The following GRID2 variants were observed in gnomAD, a reference collection of about 807,000 sequenced individuals.
The protein encoded by GRID2 is glutamate receptor ionotropic, delta-2.
A neutral mutation model predicts 114.8 loss-of-function variants in GRID2; 33 were observed. That is an observed-to-expected ratio of 0.29 (90% CI 0.22 to 0.38). GRID2 has a LOEUF of 0.38. GRID2 is among the 10% of genes least tolerant of loss of function. The probability of loss-of-function intolerance (pLI) is 1.00; values close to 1 mark genes in which losing one functional copy is unlikely to be tolerated. For missense variants in GRID2, 1,184 were observed against 1,257.7 expected (o/e 0.94, Z 0.89); for synonymous variants, 505 against 449.9 (o/e 1.12, Z -1.55).
At chr4:92,741,675 A>G (rs2149332063) in intron 2 of GRID2, among the ~76,000 whole-genome samples, 1 of 152,310 alleles carries the variant, frequency 6.6e-6, no homozygotes, top group Non-Finnish European at 1.5e-5. Context: ...CTCTAGCCTT[A>G]AAAGCACTTC....
At chr4:93,730,526 C>T (rs1420298094) in intron 14 of GRID2, among the ~76,000 whole-genome samples, 2 of 152,196 alleles carry the variant, frequency 1.3e-5, no homozygotes, top group Non-Finnish European at 2.9e-5. Context: ...GTGTAATCAA[C>T]AGGCTGAACT....
At chr4:93,131,550 ATTG>A (rs960370136) in intron 4 of GRID2, among the ~76,000 whole-genome samples, 15 of 151,660 alleles carry the variant, frequency 9.9e-5, no homozygotes, top group African/African-American at 3.6e-4. Flanking sequence ...TATTTGTAAT[ATTG>A]TTGTTTTCAT....
At chr4:93,580,810 A>AC (rs113883905) in intron 13 of GRID2, among the ~76,000 whole-genome samples, 102 of 146,184 alleles carry the variant, frequency 7.0e-4, no homozygotes, top group Non-Finnish European at 9.8e-4. Context: ...TCTCAAAACA[A>AC]CCCCCCCCAG....
intron 1 of GRID2, among the ~76,000 whole-genome samples, chr4:92,430,285 G>T (rs1732376458): frequency 6.6e-6 from 1 of 152,034 alleles, no homozygotes; most frequent in Non-Finnish European, 1.5e-5. Context: ...TTTTGTATGT[G>T]GTGAGAGATA....
chr4:93,151,133 A>AG (rs1553997017), intron 4 of GRID2, among the ~76,000 whole-genome samples: 1 of 151,286 alleles, frequency 6.6e-6, no homozygotes, highest in African/African-American at 2.4e-5. Flanking sequence ...AAAAAAAAAA[A>AG]AAAGAAAGAA....
intron 1 of GRID2, among the ~76,000 whole-genome samples, chr4:92,417,143 T>C (rs1579325276): frequency 6.6e-6 from 1 of 152,128 alleles, no homozygotes; most frequent in Non-Finnish European, 1.5e-5. Flanking sequence ...TGCAAGTTTA[T>C]ATTGGCAATG....
At chr4:93,776,548 C>G (rs1222896991), downstream of GRID2, among the ~76,000 whole-genome samples, 1 of 152,198 alleles carries the variant, frequency 6.6e-6, no homozygotes, top group Non-Finnish European at 1.5e-5. Flanking sequence ...CAACACTCAT[C>G]TCTTTCCTGG....
chr4:92,767,911 C>T (rs925532027), intron 2 of GRID2, among the ~76,000 whole-genome samples: 19 of 146,254 alleles, frequency 1.3e-4, no homozygotes, highest in African/African-American at 4.8e-4. Flanking sequence ...AGTGAGCCAT[C>T]ATCTCAAAAA....
intron 14 of GRID2, among the ~76,000 whole-genome samples, chr4:93,741,168 T>TATAC (rs1241406795): frequency 0.028 from 782 of 28,130 alleles, 10 homozygotes; most frequent in Non-Finnish European, 0.036. Flanking sequence ...ACTATATATA[T>TATAC]ATATACATAT....
intron 2 of GRID2, among the ~76,000 whole-genome samples, chr4:92,631,016 A>G (rs1730782443): frequency 6.7e-6 from 1 of 148,870 alleles, no homozygotes; most frequent in African/African-American, 2.5e-5. Flanking sequence ...TATAATGAGA[A>G]AAAAAAAAAG....
chr4:93,422,892 T>A lies in GRID2; in HGVS notation c.1469T>A (p.Val490Glu). The A allele has an allele frequency of 6.2e-7, 1 of 1,613,602 alleles. No homozygotes were observed. The highest frequency in any genetic ancestry group is 8.5e-7 in the Non-Finnish European group (1 of 1,179,570). The change falls in exon 10 of 16, where the codon GTA becomes GAA. Residue 490 changes from valine (V) to glutamate (E), a missense_variant. Physicochemically the swap from Val to Glu is moderately radical, Grantham distance 121. Coordinates refer to ENST00000282020, the MANE Select transcript of GRID2 (RefSeq NM_001510.4). ...NYLGFNYEIY[V>E]APDHKYGSPQ... ...CTGGGTTTTAACTACGAAATTTACG[T>A]AGCACCGGATCACAAATACGGAAGC...
intron 10 of GRID2, among the ~76,000 whole-genome samples, chr4:93,441,661 A>T (rs924842926): frequency 1.3e-5 from 2 of 151,928 alleles, no homozygotes; most frequent in African/African-American, 2.4e-5. Context: ...TTAACTTGAC[A>T]TACAAATATT....
At chr4:92,542,187 T>C (rs1725999449) in intron 1 of GRID2, among the ~76,000 whole-genome samples, 1 of 152,050 alleles carries the variant, frequency 6.6e-6, no homozygotes, top group Non-Finnish European at 1.5e-5. Context: ...GTTCTGAGTA[T>C]ACTATTTATT....
intron 13 of GRID2, among the ~76,000 whole-genome samples, chr4:93,606,180 T>G (rs1193612162): frequency 6.6e-6 from 1 of 151,936 alleles, no homozygotes; most frequent in African/African-American, 2.4e-5. Flanking sequence ...GGCTGGAGAA[T>G]CACTTTTACC....
chr4:93,254,091 G>A (rs1749291944), intron 8 of GRID2, among the ~76,000 whole-genome samples: 1 of 152,046 alleles, frequency 6.6e-6, no homozygotes, highest in Non-Finnish European at 1.5e-5. Flanking sequence ...TAAGATAAAT[G>A]TTTGGAGATG....
Position 92,408,119 on chromosome 4 carries a change from G to A in GRID2, c.88+103375G>A, listed in dbSNP as rs138936709. ...GAATTAATTTTCATATATGGTGAGA[G>A]GTAGGGTTCTAGTTTCATAGACCTC... On this transcript the variant is annotated intron_variant, in intron 1 of 15. Coordinates refer to ENST00000282020, the MANE Select transcript of GRID2 (RefSeq NM_001510.4). 4.3e-3 allele frequency among the ~76,000 whole-genome samples: 659 copies of A among 152,184 alleles called. 6 individuals are homozygous for A. The highest frequency in any genetic ancestry group is 0.015 in the African/African-American group (622 of 41,526).
At chr4:93,121,563 A>G (rs1226831077) in intron 4 of GRID2, among the ~76,000 whole-genome samples, 3 of 152,170 alleles carry the variant, frequency 2.0e-5, no homozygotes, top group African/African-American at 7.2e-5. Flanking sequence ...ACTTCTGTTG[A>G]TGATTTTTTT....
chr4:93,716,384 CT>C (rs1272883210), intron 14 of GRID2, among the ~76,000 whole-genome samples: 2 of 152,134 alleles, frequency 1.3e-5, no homozygotes, highest in Non-Finnish European at 2.9e-5. Context: ...AAATGTTCCT[CT>C]AGGTCAGCTG....
intron 4 of GRID2, among the ~76,000 whole-genome samples, chr4:93,124,104 A>G (rs1294940476): frequency 6.9e-5 from 6 of 86,992 alleles, no homozygotes; most frequent in Non-Finnish European, 1.1e-4. Flanking sequence ...CTTAAAGTAT[A>G]ATAAAAAAAA....
Sources: allele counts gnomAD v4.1 joint callset (sites outside exome capture counted in the v4.1 genomes callset), GRCh38; gene constraint gnomAD v4.1.1; transcripts MANE v1.5; gene names NCBI Gene and HGNC (gene_info 2026-07-23, HGNC 2026-07-21).